Variants in COL3A1 observed in about 807,000 individuals in gnomAD.
The protein encoded by COL3A1 is collagen type III alpha 1 chain, also known as collagen alpha-1(III) chain.
A neutral mutation model predicts 200.9 loss-of-function variants in COL3A1; 46 were observed. The observed-to-expected ratio is 0.23, with a 90% CI of 0.18 to 0.29. The LOEUF is 0.29. Ranked by LOEUF, COL3A1 falls within the 10% of genes least tolerant of loss-of-function variation. The pLI is 1.00. For missense variants in COL3A1, 1,367 were observed against 1,917.6 expected, an observed-to-expected ratio of 0.71 and a Z score of 5.36; for synonymous variants, 650 against 628.0, an observed-to-expected ratio of 1.03 and a Z score of -0.52.
intron 41 of COL3A1, among the ~76,000 whole-genome samples, chr2:189,005,961 G>A (rs1017049498): frequency 1.3e-5 from 2 of 151,972 alleles, no homozygotes; most frequent in African/African-American, 4.8e-5. Flanking sequence ...TTTATTAGAG[G>A]TCTGTAAAGA....
At chr2:188,978,688 C>G (rs536257906) in intron 1 of COL3A1, among the ~76,000 whole-genome samples, 119 of 150,736 alleles carry the variant, frequency 7.9e-4, no homozygotes, top group South Asian at 3.6e-3. Flanking sequence ...TTCTGGAACC[C>G]TCTCAGTGAA....
At chr2:188,999,799 T>C (rs1177900780) in intron 31 of COL3A1, 43 bp from the exon 32 acceptor site, 3 of 1,572,682 alleles carry the variant, frequency 1.9e-6, no homozygotes, top group Non-Finnish European at 2.6e-6. Context: ...TGATTTTCAC[T>C]GAAGATACTT....
At chr2:188,974,640 AG>A (rs1319784405) in intron 1 of COL3A1, 72 bp downstream of exon 1, 1 of 1,237,610 alleles carries the variant, frequency 8.1e-7, no homozygotes, top group Non-Finnish European at 1.2e-6. Flanking sequence ...AGGGGTGTAA[AG>A]GGGAAAATCA....
chr2:188,996,484 T>C lies in COL3A1; in HGVS notation c.1749T>C (p.Pro583=). The part of the protein sequence containing the change: ...GQPGVMGFPG[P]KGNDGAPGKN... ...CTGGTGTCATGGGCTTCCCCGGTCC[T>C]AAAGGAAATGATGTGAGTTCCTTCA... The change falls in exon 24 of 51, where the codon CCT becomes CCC. Residue 583 remains proline (P), a synonymous_variant. Transcript: ENST00000304636. 6.2e-7 allele frequency: 1 copy of C among 1,613,808 alleles called. No individual in the cohort carries two copies. Among genetic ancestry groups the C allele is most frequent in the Non-Finnish European group, 8.5e-7 (1 of 1,179,842 alleles).
intron 5 of COL3A1, 85 bp from the exon 6 acceptor site, chr2:188,987,996 C>T (rs538464745): frequency 2.4e-5 from 24 of 1,006,704 alleles, no homozygotes; most frequent in Non-Finnish European, 3.5e-5. Context: ...ATAGTTTTAA[C>T]AATGCGAGTG....
intron 26 of COL3A1, 134 bp downstream of exon 26, chr2:188,997,523 G>C (rs73981459): frequency 8.6e-7 from 1 of 1,166,896 alleles, no homozygotes; most frequent in Admixed American, 1.9e-5. Context: ...TGCTGACCTA[G>C]TTATCTAGCT....
chr2:189,001,405 T>C lies in COL3A1; in HGVS notation c.2292T>C (p.Thr764=). The change falls in exon 33 of 51, where the codon ACT becomes ACC. Residue 764 remains threonine, a synonymous_variant. Transcript: ENST00000304636. ...VPGKDGPRGP[T]GPIGPPGPAG... ...ATTTTTATTTCCTCTAGGGTCCTAC[T>C]GGTCCTATTGGTCCTCCTGGCCCAG... 6.2e-7 allele frequency: 1 copy of C among 1,613,684 alleles called. No individual in the cohort carries two copies. The highest frequency in any genetic ancestry group is 8.5e-7 in the Non-Finnish European group (1 of 1,179,520).
chr2:188,994,786 T>C lies in COL3A1; in HGVS notation c.1410T>C (p.Pro470=), dbSNP rs1010477216. Residue 470 remains proline, a synonymous_variant, in exon 20 of 51, where the codon CCT becomes CCC. Transcript: ENST00000304636. This position sits in a 1 kb window ranked among gnomAD's most constrained non-coding sequence, Gnocchi z 4.5. ...GCGAAGATGGCAAGGATGGATCACC[T>C]GGAGAACCTGGTGCAAATGGGCTTC... ...AKGEDGKDGS[P]GEPGANGLPG... is the part of the protein sequence containing the mutation. 6.2e-7 allele frequency: 1 copy of C among 1,613,790 alleles called. No individual in the cohort carries two copies. The highest frequency in any genetic ancestry group is 1.3e-5 in the African/African-American group (1 of 74,838).
intron 1 of COL3A1, among the ~76,000 whole-genome samples, chr2:188,982,201 C>T (rs560938421): frequency 1.3e-5 from 2 of 151,316 alleles, no homozygotes; most frequent in East Asian, 1.9e-4. Context: ...TATATTGAGG[C>T]CTCCGTGTTT....
intron 47 of COL3A1, 34 bp from the exon 48 acceptor site, chr2:189,008,890 C>CA: frequency 6.2e-7 from 1 of 1,605,588 alleles, no homozygotes; most frequent in Non-Finnish European, 8.5e-7. Flanking sequence ...ACTGAATGTG[C>CA]ATACCTCAAT....
At chr2:188,982,431 G>T (rs1019156450) in intron 1 of COL3A1, among the ~76,000 whole-genome samples, 1 of 151,808 alleles carries the variant, frequency 6.6e-6, no homozygotes, top group Non-Finnish European at 1.5e-5. Context: ...AAACATAGGA[G>T]GATGAATACA....
rs182165587 is a variant in COL3A1 at position 189,012,508 on chromosome 2, A to G, written c.*734A>G. The G allele has an allele frequency of 2.2e-4, 33 of 152,730 alleles. No homozygotes were observed. The highest frequency in any genetic ancestry group is 7.5e-4 in the African/African-American group (31 of 41,568). 9.5% of individuals were successfully genotyped at this position (152,730 alleles called of 1,614,324 possible). On this transcript the variant is annotated 3_prime_UTR_variant, in exon 51 of 51. Coordinates refer to ENST00000304636, the MANE Select transcript of COL3A1 (RefSeq NM_000090.4). ...CTCTAGATCAGAATTGTTGACTTGC[A>G]TTCAGAACATAAATGCACAAAATCT...
rs767927599 is a variant in COL3A1 at position 188,990,995 on chromosome 2, AT to A, written c.799-6del. On this transcript the variant is annotated splice_polypyrimidine_tract_variant and splice_region_variant and intron_variant, in intron 10 of 50. Coordinates refer to ENST00000304636, the MANE Select transcript of COL3A1 (RefSeq NM_000090.4). The stretch of plus-strand genomic sequence containing the variant: ...TTTAATAATTTTGCTGGTTTTATAC[AT>A]TTCCTAGGGCTTCGATGGACGAAAT... 3.3e-5 allele frequency: 53 copies of A among 1,612,854 alleles called. 1 individual carries two copies. Among genetic ancestry groups the A allele is most frequent in the East Asian group, 2.7e-4 (12 of 44,758 alleles).
At position 188,996,178 on chromosome 2, in the gene COL3A1, C is replaced by G. The variant is rs373963384; in HGVS notation, c.1662C>G (p.Pro554=). The change falls in exon 23 of 51, where the codon CCC becomes CCG. Residue 554 remains proline, a splice_region_variant and synonymous_variant. Transcript: ENST00000304636. ...GAAGTGATGGGAAACCAGGGCCTCCCGTATGTACATTTTTAAAATCTCATT... is the reference window on the plus strand; with the variant it reads ...GAAGTGATGGGAAACCAGGGCCTCCGGTATGTACATTTTTAAAATCTCATT... The part of the protein sequence containing the change: ...GPGSDGKPGP[P]GSQGESGRPG... 13 of 1,612,850 alleles carry G rather than the reference C, an allele frequency of 8.1e-6. No individual in the cohort carries two copies. The highest frequency in any genetic ancestry group is 1.1e-5 in the Non-Finnish European group (13 of 1,179,406).
At chr2:188,993,633 TG>T (rs1039036153) in intron 16 of COL3A1, among the ~76,000 whole-genome samples, 174 bp downstream of exon 16, 1 of 152,220 alleles carries the variant, frequency 6.6e-6, no homozygotes, top group African/African-American at 2.4e-5. Flanking sequence ...CATACTGATT[TG>T]ATTAGTAGTA....
chr2:189,009,497 C>CA lies in COL3A1; in HGVS notation c.3823+276_3823+277insA, dbSNP rs11458492. Among the ~76,000 whole-genome samples the CA allele has an allele frequency of 0.99, 151,032 of 152,260 alleles. 74,917 individuals are homozygous for CA. The highest frequency in any genetic ancestry group is 1 in the East Asian group (5,188 of 5,188). On this transcript the variant is annotated intron_variant, in intron 48 of 50. Coordinates refer to ENST00000304636, the MANE Select transcript of COL3A1 (RefSeq NM_000090.4). ...GTTATTTGAGTATAAAGTAACATAT[C>CA]TTTTTTTCTCAGGATTAAATATACA...
rs10210530 is a variant in COL3A1 at position 188,987,367 on chromosome 2, C to A, written c.528+228C>A. 0.17 allele frequency among the ~76,000 whole-genome samples: 24,968 copies of A among 147,826 alleles called. 2,241 individuals carry two copies. Among genetic ancestry groups the A allele is most frequent in the African/African-American group, 0.26 (10,196 of 39,404 alleles). On this transcript the variant is annotated intron_variant, in intron 5 of 50. Transcript: ENST00000304636. ...TATAAATTTTTACTAAAAAAAAAAA[C>A]CAAAGTCAACACTTATTAACATCTC...
chr2:188,985,352 C>T (rs915579906), intron 3 of COL3A1, 105 bp downstream of exon 3: 5 of 899,034 alleles, frequency 5.6e-6, no homozygotes, highest in African/African-American at 5.0e-5. Context: ...TCTTCATTAC[C>T]ACATATTTGA....
At chr2:189,005,512 C>A in intron 41 of COL3A1, 55 bp downstream of exon 41, 1 of 1,465,812 alleles carries the variant, frequency 6.8e-7, no homozygotes, top group Non-Finnish European at 9.6e-7. Context: ...TTTATTTCAG[C>A]AAAGGTGAAA....
Sources: gnomAD v4.1 joint callset for allele counts (sites outside exome capture counted in the v4.1 genomes callset) on GRCh38, gnomAD v4.1.1 for gene constraint, Gnocchi (gnomAD v3.1) non-coding constraint, MANE v1.5 for transcripts, NCBI Gene and HGNC (gene_info 2026-07-23, HGNC 2026-07-21) for gene names.